Variants in DNAJB6 observed in about 807,000 individuals in gnomAD.
DNAJB6 encodes the protein dnaJ homolog subfamily B member 6.
Under a neutral mutation model 42.7 loss-of-function variants are expected in DNAJB6, and 16 were observed. The observed-to-expected ratio is 0.37, with a 90% CI of 0.25 to 0.57. The LOEUF (loss-of-function observed/expected upper bound fraction) is 0.57. Among genes scored for constraint, DNAJB6 ranks in the 20% least tolerant of loss-of-function variants. The pLI, the probability that DNAJB6 is intolerant of heterozygous loss-of-function variation, is 0.74. For synonymous variants in DNAJB6, 170 were observed against 163.5 expected (o/e 1.04, Z -0.30); for missense variants, 347 against 416.8 (o/e 0.83, Z 1.46).
At chr7:157,350,469 C>T (rs544906282) in intron 1 of DNAJB6, among the ~76,000 whole-genome samples, 1 of 152,226 alleles carries the variant, frequency 6.6e-6, no homozygotes, top group East Asian at 1.9e-4. Context: ...GGAAGAATTC[C>T]TGTAGTTAAC....
chr7:157,361,360 T>C (rs1232803246), intron 2 of DNAJB6, among the ~76,000 whole-genome samples: 2 of 152,174 alleles, frequency 1.3e-5, no homozygotes, highest in East Asian at 3.9e-4. Flanking sequence ...GGTTTCACCA[T>C]GTTGGCCAGG....
chr7:157,410,050 T>C (rs1014354460), intron 9 of DNAJB6, 49 bp downstream of exon 9: 1 of 1,485,082 alleles, frequency 6.7e-7, no homozygotes, highest in East Asian at 2.5e-5. Context: ...GAGACTTCTC[T>C]GGGTGCCAGA....
intron 8 of DNAJB6, among the ~76,000 whole-genome samples, chr7:157,396,359 C>T (rs924559255): frequency 6.6e-6 from 1 of 152,202 alleles, no homozygotes; most frequent in Non-Finnish European, 1.5e-5. Flanking sequence ...TTCTTGAGGA[C>T]GCTTAGATGC....
chr7:157,384,105 A>G (rs919716561), intron 6 of DNAJB6, among the ~76,000 whole-genome samples: 3 of 152,204 alleles, frequency 2.0e-5, no homozygotes, highest in Admixed American at 1.3e-4. Flanking sequence ...TGGAAACAGG[A>G]CAAAAGCTCT....
intron 1 of DNAJB6, among the ~76,000 whole-genome samples, chr7:157,337,366 G>C (rs1344774740): frequency 6.6e-6 from 1 of 151,546 alleles, no homozygotes; most frequent in Admixed American, 6.6e-5. Flanking sequence ...GCTGGGGTCT[G>C]GGGCCGCCCG....
At chr7:157,402,563 G>T (rs1258189012) in intron 8 of DNAJB6, among the ~76,000 whole-genome samples, 1 of 152,238 alleles carries the variant, frequency 6.6e-6, no homozygotes, top group African/African-American at 2.4e-5. Flanking sequence ...CACCTCCCAG[G>T]CTGGCCAGAC....
chr7:157,341,160 A>T (rs1329226802), intron 1 of DNAJB6, among the ~76,000 whole-genome samples: 1 of 151,238 alleles, frequency 6.6e-6, no homozygotes, highest in Non-Finnish European at 1.5e-5. Flanking sequence ...ATGGAATCTC[A>T]TATTGCCCAG....
intron 7 of DNAJB6, 24 bp downstream of exon 7, chr7:157,385,032 T>C: frequency 6.2e-7 from 1 of 1,607,388 alleles, no homozygotes; most frequent in Non-Finnish European, 8.5e-7. Flanking sequence ...CTGCATTTTA[T>C]ATTTTTAGTA....
intron 1 of DNAJB6, among the ~76,000 whole-genome samples, chr7:157,338,158 A>AGGAAACAGACGTT (rs1798149013): frequency 6.6e-6 from 1 of 152,238 alleles, no homozygotes; most frequent in Non-Finnish European, 1.5e-5. Flanking sequence ...GACCGAAGAA[A>AGGAAACAGACGTT]GGAAACAGAC....
intron 5 of DNAJB6, among the ~76,000 whole-genome samples, chr7:157,369,862 CTTCACATTA>C (rs904349770): frequency 6.6e-6 from 1 of 150,630 alleles, no homozygotes; most frequent in African/African-American, 2.5e-5. Flanking sequence ...CGGGCCCCTT[CTTCACATTA>C]TTATTAAACA....
At chr7:157,384,194 G>A (rs964260219) in intron 6 of DNAJB6, among the ~76,000 whole-genome samples, 1 of 152,234 alleles carries the variant, frequency 6.6e-6, no homozygotes, top group South Asian at 2.1e-4. Context: ...TCCACACTGC[G>A]ATAATATCCA....
chr7:157,355,037 G>A (rs1198886669), intron 1 of DNAJB6, among the ~76,000 whole-genome samples: 3 of 152,172 alleles, frequency 2.0e-5, no homozygotes, highest in Non-Finnish European at 4.4e-5. Flanking sequence ...TGAGCTTGGA[G>A]CTTACATCTG....
At chr7:157,367,319 T>G (rs1799892998) in intron 4 of DNAJB6, 54 bp from the exon 5 acceptor site, 3 of 1,155,528 alleles carry the variant, frequency 2.6e-6, no homozygotes, top group Non-Finnish European at 3.9e-6. Context: ...AAAGAATTCT[T>G]TGCCTACAAA....
intron 1 of DNAJB6, among the ~76,000 whole-genome samples, chr7:157,348,086 A>G (rs932757151): frequency 6.8e-6 from 1 of 146,772 alleles, no homozygotes; most frequent in Non-Finnish European, 1.5e-5. Context: ...GTGAGCCACC[A>G]TGCCTGGCCT....
chr7:157,337,296 G>T (rs1460988302), intron 1 of DNAJB6, 152 bp downstream of exon 1: 2 of 152,182 alleles, frequency 1.3e-5, no homozygotes, highest in Non-Finnish European at 2.9e-5. Flanking sequence ...GGCCGTGGCC[G>T]GGGTTGCGGG....
At chr7:157,354,255 C>G (rs562148786) in intron 1 of DNAJB6, among the ~76,000 whole-genome samples, 42 of 152,180 alleles carry the variant, frequency 2.8e-4, no homozygotes, top group African/African-American at 9.9e-4. Context: ...TCAAGCGATT[C>G]TCCTGCCTCA....
intron 1 of DNAJB6, among the ~76,000 whole-genome samples, chr7:157,357,350 G>A (rs547287469): frequency 7.1e-6 from 1 of 141,372 alleles, no homozygotes; most frequent in East Asian, 2.1e-4. Context: ...GCTGGAGTCC[G>A]GTGGCATGGG....
intron 1 of DNAJB6, among the ~76,000 whole-genome samples, chr7:157,346,269 A>G (rs960102115): frequency 1.4e-5 from 2 of 141,510 alleles, no homozygotes; most frequent in African/African-American, 5.1e-5. Flanking sequence ...ATATTAGGCT[A>G]CTCCGGGCAC....
At chr7:157,382,867 C>T (rs1359349577) in intron 6 of DNAJB6, 3 of 152,230 alleles carry the variant, frequency 2.0e-5, no homozygotes, top group African/African-American at 4.8e-5. Flanking sequence ...CATAGTTCAC[C>T]GATGGAAACA....
Sources: allele counts gnomAD v4.1 joint callset (sites outside exome capture counted in the v4.1 genomes callset), GRCh38; gene constraint gnomAD v4.1.1; transcripts MANE v1.5; gene names NCBI Gene and HGNC (gene_info 2026-07-23, HGNC 2026-07-21).